FAF1: variants seen among roughly 807,000 people sequenced by gnomAD.
The protein encoded by FAF1 is FAS-associated factor 1.
In FAF1, 25 loss-of-function variants were observed where a neutral mutation model predicts 92.5. That is an observed-to-expected ratio of 0.27 (90% CI 0.20 to 0.38). FAF1 has a LOEUF of 0.38. FAF1 is among the 10% of genes least tolerant of loss of function. The probability of loss-of-function intolerance (pLI) is 1.00; values close to 1 mark genes in which losing one functional copy is unlikely to be tolerated. For missense variants in FAF1, 636 were observed against 793.3 expected, an observed-to-expected ratio of 0.80 and a Z score of 2.38; for synonymous variants, 234 against 273.2, an observed-to-expected ratio of 0.86 and a Z score of 1.42.
At chr1:50,633,102 A>G (rs1653861530) in intron 8 of FAF1, among the ~76,000 whole-genome samples, 2 of 152,372 alleles carry the variant, frequency 1.3e-5, no homozygotes, top group South Asian at 4.1e-4. Flanking sequence ...AAAATGTTGA[A>G]GCAATAGTTT....
At chr1:50,692,608 T>C (rs899150225) in intron 7 of FAF1, among the ~76,000 whole-genome samples, 3 of 152,142 alleles carry the variant, frequency 2.0e-5, no homozygotes, top group Admixed American at 2.0e-4. Flanking sequence ...TGACAGAAGT[T>C]TCTTCTTTTT....
intron 8 of FAF1, among the ~76,000 whole-genome samples, chr1:50,652,788 G>C (rs779884386): frequency 1.3e-5 from 2 of 152,114 alleles, no homozygotes; most frequent in Non-Finnish European, 1.5e-5. Flanking sequence ...CTTTAAACCA[G>C]CCAATTCTTG....
intron 4 of FAF1, among the ~76,000 whole-genome samples, chr1:50,751,337 ATTGT>A (rs1317600419): frequency 4.0e-5 from 6 of 151,842 alleles, no homozygotes; most frequent in African/African-American, 7.3e-5. Context: ...TATTTGTTTG[ATTGT>A]TTGTTTGTTT....
intron 1 of FAF1, among the ~76,000 whole-genome samples, chr1:50,860,032 C>T (rs938789944): frequency 2.0e-5 from 3 of 151,868 alleles, no homozygotes; most frequent in African/African-American, 7.2e-5. Flanking sequence ...ACAAACAGTG[C>T]TGGGATAGCT....
chr1:50,928,012 A>G (rs889206001), intron 1 of FAF1, among the ~76,000 whole-genome samples: 2 of 152,226 alleles, frequency 1.3e-5, no homozygotes, highest in African/African-American at 4.8e-5. Context: ...ATGCCCTCAT[A>G]AAGTTTAGAA....
chr1:50,625,778 A>C (rs1245160983), intron 8 of FAF1, among the ~76,000 whole-genome samples: 1 of 152,254 alleles, frequency 6.6e-6, no homozygotes, highest in Non-Finnish European at 1.5e-5. Flanking sequence ...AATATGTTCC[A>C]TTAAGGAGTT....
intron 1 of FAF1, among the ~76,000 whole-genome samples, chr1:50,923,776 A>G (rs1215398353): frequency 2.6e-5 from 4 of 152,250 alleles, no homozygotes; most frequent in Non-Finnish European, 5.9e-5. Context: ...CTCAACATGC[A>G]CAAATCAATA....
intron 7 of FAF1, among the ~76,000 whole-genome samples, chr1:50,671,597 T>C (rs973614229): frequency 3.3e-5 from 5 of 152,158 alleles, no homozygotes; most frequent in African/African-American, 4.8e-5. Context: ...GATTCAAACT[T>C]AATCCCTTTT....
intron 2 of FAF1, among the ~76,000 whole-genome samples, chr1:50,841,104 T>C (rs1644251813): frequency 6.6e-6 from 1 of 152,006 alleles, no homozygotes; most frequent in African/African-American, 2.4e-5. Flanking sequence ...AGCACTACTA[T>C]GGCCAAAGAT....
chr1:50,574,508 A>G (rs1339509221), intron 12 of FAF1, among the ~76,000 whole-genome samples: 1 of 152,174 alleles, frequency 6.6e-6, no homozygotes, highest in East Asian at 1.9e-4. Flanking sequence ...ACTATTCTCT[A>G]TGGGGAGGGA....
intron 15 of FAF1, among the ~76,000 whole-genome samples, chr1:50,498,126 C>G (rs1646923283): frequency 6.6e-6 from 1 of 152,050 alleles, no homozygotes; most frequent in African/African-American, 2.4e-5. Context: ...TTGGATTGAT[C>G]TTCAACAAGG....
intron 1 of FAF1, among the ~76,000 whole-genome samples, chr1:50,886,545 C>A (rs1644666663): frequency 6.6e-6 from 1 of 151,690 alleles, no homozygotes; most frequent in Non-Finnish European, 1.5e-5. Flanking sequence ...CACCCCACAA[C>A]AGGCCCCGGT....
intron 7 of FAF1, among the ~76,000 whole-genome samples, chr1:50,678,108 A>G (rs1169136476): frequency 2.6e-5 from 4 of 152,166 alleles, no homozygotes; most frequent in Non-Finnish European, 1.5e-5. Flanking sequence ...CCATTAATAT[A>G]TGCTTGACAT....
chr1:50,703,404 C>T (rs547985686), intron 7 of FAF1, among the ~76,000 whole-genome samples: 3 of 152,054 alleles, frequency 2.0e-5, no homozygotes, highest in Admixed American at 2.0e-4. Flanking sequence ...AGGTGTTGCA[C>T]AAGTTGAAGC....
intron 3 of FAF1, 91 bp downstream of exon 3, chr1:50,801,540 C>T (rs747540818): frequency 1.1e-5 from 8 of 707,428 alleles, no homozygotes; most frequent in South Asian, 1.8e-5. Context: ...CAAATCAATG[C>T]TCTATTAAAA....
intron 15 of FAF1, among the ~76,000 whole-genome samples, chr1:50,527,816 T>TCTCC (rs1647896248): frequency 1.8e-5 from 1 of 54,448 alleles, no homozygotes; most frequent in African/African-American, 9.4e-5. Flanking sequence ...CTGCTGTCTC[T>TCTCC]CTCTCTCTCT....
intron 15 of FAF1, among the ~76,000 whole-genome samples, chr1:50,523,181 T>C (rs1296495986): frequency 6.6e-6 from 1 of 152,250 alleles, no homozygotes; most frequent in African/African-American, 2.4e-5. Flanking sequence ...GATATTTGGA[T>C]TATTTCCACT....
At chr1:50,552,317 T>C (rs1649349408) in intron 13 of FAF1, among the ~76,000 whole-genome samples, 1 of 151,010 alleles carries the variant, frequency 6.6e-6, no homozygotes, top group South Asian at 2.1e-4. Flanking sequence ...AAAAAAAACT[T>C]CAGCTAGAGG....
At chr1:50,779,665 G>A (rs949926731) in intron 4 of FAF1, among the ~76,000 whole-genome samples, 6 of 151,762 alleles carry the variant, frequency 4.0e-5, no homozygotes, top group Admixed American at 6.6e-5. Flanking sequence ...ACAAAAAAAC[G>A]TTTGGGGGTG....
Sources: gnomAD v4.1 joint callset for allele counts (sites outside exome capture counted in the v4.1 genomes callset) on GRCh38, gnomAD v4.1.1 for gene constraint, MANE v1.5 for transcripts, NCBI Gene and HGNC (gene_info 2026-07-23, HGNC 2026-07-21) for gene names.